The following CDKAL1 variants were observed in gnomAD, a reference collection of about 807,000 sequenced individuals.
CDKAL1 encodes the protein CDKAL1 threonylcarbamoyladenosine tRNA methylthiotransferase, also known as threonylcarbamoyladenosine tRNA methylthiotransferase.
Under a neutral mutation model 68.2 loss-of-function variants are expected in CDKAL1, and 32 were observed. The observed-to-expected ratio is 0.47, with a 90% confidence interval of 0.35 to 0.63. The LOEUF (loss-of-function observed/expected upper bound fraction) is 0.63. Ranked by LOEUF, CDKAL1 falls within the 30% of genes least tolerant of loss-of-function variation. The pLI, the probability that CDKAL1 is intolerant of heterozygous loss-of-function variation, is 0.00. For missense variants in CDKAL1, 606 were observed against 696.7 expected, an observed-to-expected ratio of 0.87 and a Z score of 1.47; for synonymous variants, 234 against 244.3, an observed-to-expected ratio of 0.96 and a Z score of 0.39.
chr6:20,999,663 T>TAAAAAAAAAAA (rs36078234), intron 10 of CDKAL1, among the ~76,000 whole-genome samples: 97 of 93,224 alleles, frequency 1.0e-3, no homozygotes, highest in African/African-American at 1.9e-3. Flanking sequence ...TGACTGAAAT[T>TAAAAAAAAAAA]AAAAAAAAAA....
At chr6:21,015,485 T>G (rs1439352110) in intron 11 of CDKAL1, among the ~76,000 whole-genome samples, 2 of 152,226 alleles carry the variant, frequency 1.3e-5, no homozygotes, top group Non-Finnish European at 2.9e-5. Flanking sequence ...TATTCAATCT[T>G]TTAATTGTAC....
intron 13 of CDKAL1, among the ~76,000 whole-genome samples, chr6:21,150,493 C>T (rs1776365715): frequency 6.6e-6 from 1 of 152,164 alleles, no homozygotes; most frequent in South Asian, 2.1e-4. Flanking sequence ...CAAATCTTCA[C>T]CCTTAAAACC....
Position 21,053,806 on chromosome 6 carries a change from C to T in CDKAL1, c.1056-11242C>T, listed in dbSNP as rs576031813. 2.0e-5 allele frequency among the ~76,000 whole-genome samples: 3 copies of T among 152,210 alleles called. No individual in the cohort carries two copies. In the South Asian group the frequency reaches 6.2e-4, roughly 32 times the overall value. ...TTGTTAAATCTTTTGCCCATTGCAT[C>T]ATTGTGTTGTCTTCCTGTTAGTGAG... On this transcript the variant is annotated intron_variant, in intron 11 of 15. Transcript: ENST00000274695.
chr6:21,217,955 A>G (rs1779402604), intron 15 of CDKAL1, among the ~76,000 whole-genome samples: 1 of 152,210 alleles, frequency 6.6e-6, no homozygotes, highest in Non-Finnish European at 1.5e-5. Flanking sequence ...AGTCAATTAT[A>G]TGTGAAGCAA....
chr6:21,020,316 A>G (rs577619221), intron 11 of CDKAL1, among the ~76,000 whole-genome samples: 1 of 152,152 alleles, frequency 6.6e-6, no homozygotes, highest in Admixed American at 6.5e-5. Flanking sequence ...AGGCTTGTTC[A>G]CTCACAATGT....
At chr6:20,893,818 A>G (rs955990124) in intron 9 of CDKAL1, among the ~76,000 whole-genome samples, 2 of 152,210 alleles carry the variant, frequency 1.3e-5, no homozygotes, top group African/African-American at 4.8e-5. Context: ...AGTCTTGGGC[A>G]TGGAGTAAGT....
intron 9 of CDKAL1, among the ~76,000 whole-genome samples, chr6:20,904,760 G>A (rs1762158596): frequency 6.6e-6 from 1 of 150,684 alleles, no homozygotes; most frequent in South Asian, 2.1e-4. Flanking sequence ...TTGCACTCCA[G>A]CCTGGGCAAC....
At position 21,135,664 on chromosome 6, in the gene CDKAL1, G is replaced by A. The variant is rs1056436227; in HGVS notation, c.1299+27201G>A. 7.1e-6 allele frequency: 7 copies of A among 981,904 alleles called. No homozygotes were observed. The Admixed American group carries it at 4.3e-4, about 60-fold the overall frequency. 60.8% of individuals were successfully genotyped at this position (981,904 alleles called of 1,614,324 possible). A position where few individuals can be genotyped will look rare whatever the true frequency, so the allele number is the denominator to read the frequency against. On this transcript the variant is annotated intron_variant, in intron 13 of 15. Transcript: ENST00000274695. ...CCAGCAACATAGAAACTATTGGACTGTGCTTCTTTAAAATTAAGGACATTC... is the reference window on the plus strand; with the variant it reads ...CCAGCAACATAGAAACTATTGGACTATGCTTCTTTAAAATTAAGGACATTC...
chr6:21,019,247 C>T lies in CDKAL1; in HGVS notation c.1055+18875C>T, dbSNP rs148421926. The stretch of plus-strand genomic sequence containing the variant: ...TATAGGCGTGAGCCACCAGGGCTGG[C>T]ACCTCCTCATTTGCTGTTAGGTGGT... On this transcript the variant is annotated intron_variant, in intron 11 of 15. Coordinates refer to ENST00000274695, the MANE Select transcript of CDKAL1 (RefSeq NM_017774.3). Among the ~76,000 whole-genome samples the T allele has an allele frequency of 2.4e-3, 365 of 152,364 alleles. 3 individuals are homozygous for T. The highest frequency in any genetic ancestry group is 8.3e-3 in the African/African-American group (347 of 41,588).
intron 11 of CDKAL1, among the ~76,000 whole-genome samples, chr6:21,020,424 G>A (rs1768581175): frequency 6.6e-6 from 1 of 152,012 alleles, no homozygotes; most frequent in South Asian, 2.1e-4. Flanking sequence ...GAGTTCACAG[G>A]TTCACAGGTA....
At chr6:20,864,402 T>C (rs1462084808) in intron 9 of CDKAL1, among the ~76,000 whole-genome samples, 1 of 152,150 alleles carries the variant, frequency 6.6e-6, no homozygotes, top group African/African-American at 2.4e-5. Flanking sequence ...TTAATCCTAA[T>C]TGTTATTACT....
chr6:20,773,329 G>A (rs9358366), intron 7 of CDKAL1, among the ~76,000 whole-genome samples: 67,955 of 151,978 alleles, frequency 0.45, 15,415 homozygotes, highest in South Asian at 0.5. Flanking sequence ...GATATTGAAT[G>A]GAGTAGAGAC....
intron 8 of CDKAL1, among the ~76,000 whole-genome samples, chr6:20,824,677 T>G (rs937605994): frequency 1.3e-5 from 2 of 152,186 alleles, no homozygotes; most frequent in Admixed American, 6.6e-5. Flanking sequence ...TATAATGTAA[T>G]GATCCAAGTG....
chr6:20,540,702 C>T (rs1027715798), intron 2 of CDKAL1, among the ~76,000 whole-genome samples: 2 of 152,030 alleles, frequency 1.3e-5, no homozygotes, highest in African/African-American at 2.4e-5. Flanking sequence ...GTGATCCATC[C>T]GCCTCAGCCT....
At chr6:20,801,221 GC>G (rs1229889651) in intron 8 of CDKAL1, among the ~76,000 whole-genome samples, 2 of 152,114 alleles carry the variant, frequency 1.3e-5, no homozygotes, top group African/African-American at 2.4e-5. Context: ...GCCATTCCTG[GC>G]CCCTTATTCT....
chr6:20,633,285 G>A (rs1030468785), intron 4 of CDKAL1, among the ~76,000 whole-genome samples: 1 of 152,176 alleles, frequency 6.6e-6, no homozygotes, highest in South Asian at 2.1e-4. Flanking sequence ...GGTAGAATCA[G>A]ACAACCTATG....
At chr6:21,214,436 G>T (rs1166226976) in intron 15 of CDKAL1, among the ~76,000 whole-genome samples, 1 of 151,898 alleles carries the variant, frequency 6.6e-6, no homozygotes, top group African/African-American at 2.4e-5. Flanking sequence ...CCCATGCCTT[G>T]ACCTCTCTCC....
At chr6:20,771,605 C>G (rs1004525344) in intron 7 of CDKAL1, among the ~76,000 whole-genome samples, 5 of 152,130 alleles carry the variant, frequency 3.3e-5, no homozygotes, top group African/African-American at 9.7e-5. Context: ...TTTGTCTCTT[C>G]TAAATCTCAT....
chr6:20,821,104 T>C (rs1486727553), intron 8 of CDKAL1, among the ~76,000 whole-genome samples: 2 of 150,690 alleles, frequency 1.3e-5, no homozygotes, highest in African/African-American at 2.4e-5. Context: ...ATGAGCAGAG[T>C]GTTTGGAGGG....
Sources: gnomAD v4.1 joint callset for allele counts (sites outside exome capture counted in the v4.1 genomes callset) on GRCh38, gnomAD v4.1.1 for gene constraint, MANE v1.5 for transcripts, NCBI Gene and HGNC (gene_info 2026-07-23, HGNC 2026-07-21) for gene names.